STEAP3: variants seen among roughly 807,000 people sequenced by gnomAD.
The protein encoded by STEAP3 is STEAP3 metalloreductase, also known as metalloreductase STEAP3.
In STEAP3, 35 loss-of-function variants were observed where a neutral mutation model predicts 34.9. The observed-to-expected ratio is 1.00, with a 90% CI of 0.76 to 1.33. The LOEUF is 1.33. Ranked by LOEUF, STEAP3 falls within the 40% of genes most tolerant of loss-of-function variation. The pLI is 0.00. For synonymous variants in STEAP3, 281 were observed against 301.6 expected (o/e 0.93, Z 0.71); for missense variants, 652 against 667.6 (o/e 0.98, Z 0.26).
chr2:119,261,980 G>A (rs567398703), intron 5 of STEAP3, among the ~76,000 whole-genome samples: 1 of 152,188 alleles, frequency 6.6e-6, no homozygotes, highest in East Asian at 1.9e-4. Context: ...CCTCCAGATG[G>A]AAGAGTAGGC....
chr2:119,244,365 T>C (rs1677342987), intron 2 of STEAP3: 1 of 151,736 alleles, frequency 6.6e-6, no homozygotes, highest in Non-Finnish European at 1.5e-5. Flanking sequence ...ATGTCCTGAG[T>C]AGCTGGGACG....
At position 119,254,799 on chromosome 2, in the gene STEAP3, T is replaced by C; in HGVS notation, c.1166T>C (p.Leu389Pro). ...TTGTCCCTGCTGGCCGTGACCTCAC[T>C]GCCGTCCATTGCAAACTCGCTCAAC... ...GTLSLLAVTS[L>P]PSIANSLNWR... The change falls in exon 5 of 6, where the codon CTG becomes CCG. Residue 389 changes from leucine to proline, a missense_variant. Leu to Pro is a moderately conservative substitution (Grantham distance 98). Transcript: ENST00000393110. 4 of 1,614,198 alleles carry C rather than the reference T, an allele frequency of 2.5e-6. No homozygotes were observed. The highest frequency in any genetic ancestry group is 2.5e-6 in the Non-Finnish European group (3 of 1,180,034).
chr2:119,261,533 C>G (rs1677942452), intron 5 of STEAP3, among the ~76,000 whole-genome samples: 1 of 152,194 alleles, frequency 6.6e-6, no homozygotes, highest in Non-Finnish European at 1.5e-5. Flanking sequence ...CTCCCTCGCT[C>G]TCGGTGCCCT....
chr2:119,232,002 G>A (rs1676956032), intron 2 of STEAP3, among the ~76,000 whole-genome samples: 1 of 152,200 alleles, frequency 6.6e-6, no homozygotes, highest in Non-Finnish European at 1.5e-5. Flanking sequence ...CCCAGGCCCA[G>A]TAAGAATGAA....
At chr2:119,254,415 T>C (rs1449514034) in intron 4 of STEAP3, among the ~76,000 whole-genome samples, 3 of 152,152 alleles carry the variant, frequency 2.0e-5, no homozygotes, top group Non-Finnish European at 4.4e-5. Context: ...GCTCTGCATC[T>C]GTTAGCTACA....
At position 119,245,671 on chromosome 2, in the gene STEAP3, C is replaced by G; in HGVS notation, c.205C>G (p.Arg69Gly). 6.2e-7 allele frequency: 1 copy of G among 1,612,728 alleles called. No individual in the cohort carries two copies. The highest frequency in any genetic ancestry group is 2.2e-5 in the East Asian group (1 of 44,834). Residue 69 changes from arginine (R) to glycine (G), a missense_variant, in exon 3 of 6, where the codon CGC (arginine) becomes GGC (glycine). By Grantham distance (125) the Arg-to-Gly change is moderately radical. Coordinates refer to ENST00000393110, the MANE Select transcript of STEAP3 (RefSeq NM_182915.3). ...GSGFKVVVGS[R>G]NPKRTARLFP... is the part of the protein sequence containing the mutation. ...TGGCTTCAAAGTGGTGGTGGGGAGC[C>G]GCAACCCCAAACGCACAGCCAGGCT...
rs201034733 is a variant in STEAP3, at chr2:119,263,204, G to A, written c.1363G>A (p.Ala455Thr). 14 of 1,614,136 alleles carry A rather than the reference G, an allele frequency of 8.7e-6. No individual in the cohort carries two copies. The East Asian group carries it at 3.1e-4, about 36-fold the overall frequency. Reference sequence around the variant, plus strand: ...GCTGGTGCCCTGCGTCGTCATCCTGGCCAAAGCCCTGTTTCTCCTGCCCTG... The same window carrying A: ...GCTGGTGCCCTGCGTCGTCATCCTGACCAAAGCCCTGTTTCTCCTGCCCTG... ...TLLVPCVVIL[A>T]KALFLLPCIS... Residue 455 changes from alanine (A) to threonine (T), a missense_variant, in exon 6 of 6, where the codon GCC becomes ACC. Physicochemically the swap from Ala to Thr is moderately conservative, Grantham distance 58. Coordinates refer to ENST00000393110, the MANE Select transcript of STEAP3 (RefSeq NM_182915.3).
chr2:119,251,165 G>A (rs974791285), intron 4 of STEAP3, among the ~76,000 whole-genome samples: 4 of 152,138 alleles, frequency 2.6e-5, no homozygotes, highest in Admixed American at 6.5e-5. Context: ...AGGGACTCCT[G>A]GGTGGCTCAG....
At chr2:119,228,218 T>A (rs1018758061) in intron 1 of STEAP3, among the ~76,000 whole-genome samples, 6 of 151,706 alleles carry the variant, frequency 4.0e-5, no homozygotes, top group African/African-American at 9.7e-5. Context: ...CTTGAGAGAG[T>A]AACAGTATAC....
chr2:119,256,164 T>C (rs1273654940), intron 5 of STEAP3, among the ~76,000 whole-genome samples: 1 of 152,192 alleles, frequency 6.6e-6, no homozygotes, highest in Non-Finnish European at 1.5e-5. Context: ...AGCGTAATGC[T>C]CTTACGTAAT....
At chr2:119,256,150 T>TGACAGC (rs1481907364) in intron 5 of STEAP3, among the ~76,000 whole-genome samples, 3 of 152,212 alleles carry the variant, frequency 2.0e-5, no homozygotes, top group Non-Finnish European at 4.4e-5. Flanking sequence ...TCAGGGACAG[T>TGACAGC]GACAGCGTAA....
rs1030046571 is a variant in STEAP3, at chr2:119,247,717, T to C, written c.561T>C (p.Ala187=). Residue 187 remains alanine (A), a synonymous_variant, in exon 4 of 6, where the codon GCT becomes GCC. Coordinates refer to ENST00000393110, the MANE Select transcript of STEAP3 (RefSeq NM_182915.3). ...GTGACCAGCCAGAAGCCAAGCGTGC[T>C]GTCTCGGAGATGGCGCTCGCCATGG... ...ICGDQPEAKR[A]VSEMALAMGF... is the part of the protein sequence containing the mutation. 6.4e-7 allele frequency: 1 copy of C among 1,559,974 alleles called. No homozygotes were observed. The highest frequency in any genetic ancestry group is 8.6e-7 in the Non-Finnish European group (1 of 1,156,182).
chr2:119,255,837 T>A (rs1677759047), intron 5 of STEAP3, among the ~76,000 whole-genome samples: 1 of 152,190 alleles, frequency 6.6e-6, no homozygotes, highest in Admixed American at 6.5e-5. Flanking sequence ...AACAAACATT[T>A]ATTGAGCACT....
intron 4 of STEAP3, 135 bp downstream of exon 4, chr2:119,248,341 A>G (rs1001304181): frequency 2.0e-6 from 2 of 985,304 alleles, no homozygotes; most frequent in East Asian, 2.6e-5. Flanking sequence ...TTCTGTTCCA[A>G]TGGGGCAGCA....
At chr2:119,231,099 C>T in intron 2 of STEAP3, 65 bp downstream of exon 2, 1 of 1,606,938 alleles carries the variant, frequency 6.2e-7, no homozygotes, top group Admixed American at 1.7e-5. Context: ...CCCACCAGCT[C>T]CCTCACCACC....
intron 2 of STEAP3, among the ~76,000 whole-genome samples, chr2:119,241,787 C>A (rs1319293121): frequency 6.6e-6 from 1 of 152,218 alleles, no homozygotes; most frequent in Non-Finnish European, 1.5e-5. Context: ...CCTGGCAATC[C>A]CTTCCCACCT....
intron 4 of STEAP3, among the ~76,000 whole-genome samples, chr2:119,249,274 G>C (rs1558753630): frequency 6.6e-6 from 1 of 152,086 alleles, no homozygotes; most frequent in South Asian, 2.1e-4. Flanking sequence ...GCCACACCAG[G>C]TGGGGACCCA....
chr2:119,233,914 A>T (rs1032939171), intron 2 of STEAP3, among the ~76,000 whole-genome samples: 46 of 152,318 alleles, frequency 3.0e-4, no homozygotes, highest in African/African-American at 1.1e-3. Context: ...GTGGTTGAGA[A>T]GTGGCTACAT....
At chr2:119,242,116 A>G (rs561041836) in intron 2 of STEAP3, among the ~76,000 whole-genome samples, 1 of 152,156 alleles carries the variant, frequency 6.6e-6, no homozygotes, top group South Asian at 2.1e-4. Flanking sequence ...ACCGCTTCTC[A>G]CTCATCCTTA....
Sources: allele counts gnomAD v4.1 joint callset (sites outside exome capture counted in the v4.1 genomes callset), GRCh38; gene constraint gnomAD v4.1.1; transcripts MANE v1.5; gene names NCBI Gene and HGNC (gene_info 2026-07-23, HGNC 2026-07-21).